TUBGCP3: variants seen among roughly 807,000 people sequenced by gnomAD.
TUBGCP3 encodes tubulin gamma complex component 3.
In TUBGCP3, 50 loss-of-function variants were observed where a neutral mutation model predicts 123.1. The observed-to-expected ratio is 0.41, with a 90% CI of 0.32 to 0.51. TUBGCP3 has a LOEUF of 0.51. TUBGCP3 is among the 20% of genes least tolerant of loss of function. The pLI is 0.36. For synonymous variants in TUBGCP3, 405 were observed against 413.9 expected (o/e 0.98, Z 0.26); for missense variants, 882 against 1,127.0 (o/e 0.78, Z 3.11).
At chr13:112,504,546 A>T in intron 18 of TUBGCP3, 80 bp downstream of exon 18, 1 of 988,150 alleles carries the variant, frequency 1.0e-6, no homozygotes, top group Non-Finnish European at 1.5e-6. Context: ...ACATACATAC[A>T]CATATATATA....
upstream of TUBGCP3, among the ~76,000 whole-genome samples, chr13:112,590,582 G>A (rs1882866808): frequency 1.3e-5 from 2 of 152,078 alleles, no homozygotes; most frequent in Admixed American, 1.3e-4. Context: ...GCATTTCCAT[G>A]CAGAAGAGCA....
intron 14 of TUBGCP3, 27 bp downstream of exon 14, chr13:112,522,293 T>C (rs1356657666): frequency 6.7e-7 from 1 of 1,493,478 alleles, no homozygotes; most frequent in East Asian, 2.3e-5. Flanking sequence ...ATATTACTTA[T>C]TTATAGAAAT....
intron 20 of TUBGCP3, among the ~76,000 whole-genome samples, chr13:112,495,400 T>G (rs927590757): frequency 1.3e-5 from 2 of 152,252 alleles, no homozygotes; most frequent in Non-Finnish European, 2.9e-5. Flanking sequence ...CTCAGGGATG[T>G]GCTTCCAATA....
intron 1 of TUBGCP3, among the ~76,000 whole-genome samples, chr13:112,579,408 C>A (rs1160958896): frequency 6.6e-6 from 1 of 151,392 alleles, no homozygotes; most frequent in Non-Finnish European, 1.5e-5. Context: ...CTCTCGCACA[C>A]TGCTGAGTGC....
intron 17 of TUBGCP3, among the ~76,000 whole-genome samples, chr13:112,510,124 C>A (rs1275500665): frequency 6.6e-6 from 1 of 152,020 alleles, no homozygotes; most frequent in Non-Finnish European, 1.5e-5. Context: ...AACTGGGCAG[C>A]CACTATCTCC....
At chr13:112,532,956 A>G (rs530257166) in intron 11 of TUBGCP3, among the ~76,000 whole-genome samples, 25 of 152,388 alleles carry the variant, frequency 1.6e-4, no homozygotes, top group Admixed American at 1.2e-3. Flanking sequence ...ATACCACAGC[A>G]GACATAGCAA....
At chr13:112,509,562 C>T (rs371504727) in intron 17 of TUBGCP3, among the ~76,000 whole-genome samples, 2 of 152,174 alleles carry the variant, frequency 1.3e-5, no homozygotes, top group Non-Finnish European at 2.9e-5. Context: ...GTACTACCAG[C>T]GAATACAGTT....
At chr13:112,499,283 T>C (rs911671674) in intron 19 of TUBGCP3, 98 bp from the exon 20 acceptor site, 5 of 1,418,016 alleles carry the variant, frequency 3.5e-6, no homozygotes, top group African/African-American at 1.4e-5. Context: ...GAAAACAAGA[T>C]ATCAACTGAA....
intron 7 of TUBGCP3, 25 bp from the exon 8 acceptor site, chr13:112,554,207 T>C: frequency 6.2e-7 from 1 of 1,611,062 alleles, no homozygotes; most frequent in South Asian, 1.1e-5. Context: ...CATCAAATGT[T>C]AAACATTAAA....
chr13:112,553,063 T>C (rs1879719735), intron 8 of TUBGCP3, among the ~76,000 whole-genome samples: 1 of 128,312 alleles, frequency 7.8e-6, no homozygotes, highest in Non-Finnish European at 1.6e-5. Context: ...ATGCTCCTAC[T>C]CCCAGCCACG....
intron 14 of TUBGCP3, among the ~76,000 whole-genome samples, chr13:112,520,903 G>A (rs1199322401): frequency 1.3e-5 from 2 of 152,192 alleles, no homozygotes; most frequent in African/African-American, 4.8e-5. Context: ...GAGACAAGGT[G>A]AAAAAGACAC....
At chr13:112,592,582 T>C (rs1043447773), upstream of TUBGCP3, among the ~76,000 whole-genome samples, 15 of 151,860 alleles carry the variant, frequency 9.9e-5, no homozygotes, top group African/African-American at 3.6e-4. The surrounding 1 kb of genome is among the most constrained non-coding windows in gnomAD (Gnocchi z 4.1). Context: ...GGCCCTGGAG[T>C]CAGGGGAAGA....
chr13:112,582,416 C>T (rs1311880321), intron 1 of TUBGCP3, among the ~76,000 whole-genome samples: 1 of 152,186 alleles, frequency 6.6e-6, no homozygotes, highest in African/African-American at 2.4e-5. Context: ...AATGAGGGCA[C>T]TATGACAGCT....
chr13:112,588,431 T>G (rs1421964136), upstream of TUBGCP3, among the ~76,000 whole-genome samples: 1 of 152,060 alleles, frequency 6.6e-6, no homozygotes, highest in Non-Finnish European at 1.5e-5. Context: ...TTAACGGCAT[T>G]GGTTTGATTC....
chr13:112,504,452 C>A, intron 18 of TUBGCP3, among the ~76,000 whole-genome samples, 174 bp downstream of exon 18: 1 of 146,826 alleles, frequency 6.8e-6, no homozygotes, highest in South Asian at 2.2e-4. Flanking sequence ...CACACCATTG[C>A]ACTCCAGCCT....
chr13:112,547,438 G>C, intron 10 of TUBGCP3, 182 bp downstream of exon 10: 1 of 1,068,016 alleles, frequency 9.4e-7, no homozygotes, highest in Non-Finnish European at 1.2e-6. Flanking sequence ...AAAACGGGCA[G>C]GACACAAAAG....
intron 1 of TUBGCP3, among the ~76,000 whole-genome samples, chr13:112,577,341 T>C (rs561800558): frequency 6.6e-6 from 1 of 152,318 alleles, no homozygotes; most frequent in East Asian, 1.9e-4. Context: ...TATGATGTGA[T>C]GAAAATGTCA....
At position 112,527,450 on chromosome 13, in the gene TUBGCP3, T is replaced by C; in HGVS notation, c.1370A>G (p.Asp457Gly). 1 of 1,611,834 alleles carries C rather than the reference T, an allele frequency of 6.2e-7. No individual in the cohort carries two copies. Among genetic ancestry groups the C allele is most frequent in the Non-Finnish European group, 8.5e-7 (1 of 1,179,454 alleles). ...FVASDPTVKT[D>G]RLWHDKYTLR... is the part of the protein sequence containing the mutation. ...AGTATACTTGTCGTGCCACAGTCGA[T>C]CTGTTTTAACTGTTGGATCTGATGC... is the stretch of plus-strand genomic sequence containing the variant. The change falls in exon 12 of 22, where the codon GAT (aspartate) becomes GGT (glycine). Residue 457 changes from aspartate to glycine, a missense_variant. Asp to Gly is a moderately conservative substitution (Grantham distance 94). Coordinates refer to ENST00000261965, the MANE Select transcript of TUBGCP3 (RefSeq NM_006322.6).
intron 4 of TUBGCP3, 146 bp from the exon 5 acceptor site, chr13:112,558,559 T>C: frequency 1.4e-6 from 1 of 719,760 alleles, no homozygotes; most frequent in Non-Finnish European, 2.1e-6. Context: ...AAATTAGATG[T>C]TATGCTTTTG....
Sources: gnomAD v4.1 joint callset for allele counts (sites outside exome capture counted in the v4.1 genomes callset) on GRCh38, gnomAD v4.1.1 for gene constraint, Gnocchi (gnomAD v3.1) non-coding constraint, MANE v1.5 for transcripts, NCBI Gene and HGNC (gene_info 2026-07-23, HGNC 2026-07-21) for gene names.